EXOC4: variants seen among roughly 807,000 people sequenced by gnomAD.
EXOC4 encodes the protein SEC8-like 1.
EXOC4 carries 71 observed loss-of-function variants against 107.2 expected under a neutral mutation model. That is an observed-to-expected ratio of 0.66 (90% CI 0.55 to 0.81). EXOC4 has a LOEUF of 0.81. EXOC4 is among the 30% of genes least tolerant of loss of function. EXOC4 has a pLI of 0.00. For missense variants in EXOC4, 1,108 were observed against 1,189.6 expected (o/e 0.93, Z 1.01); for synonymous variants, 456 against 441.2 (o/e 1.03, Z -0.42).
chr7:133,279,405 C>T (rs913391108), intron 2 of EXOC4, among the ~76,000 whole-genome samples: 5 of 152,164 alleles, frequency 3.3e-5, no homozygotes, highest in African/African-American at 9.7e-5. Flanking sequence ...TGGCTAACAT[C>T]TTAAAAGGCC....
chr7:134,082,630 G>A, the EXOC4 span, among the ~76,000 whole-genome samples: 44 of 152,198 alleles, frequency 2.9e-4, no homozygotes, highest in African/African-American at 9.2e-4. Flanking sequence ...TAGTAGAGAC[G>A]GGGTTTCACC....
chr7:133,595,672 G>A (rs1801651185), intron 9 of EXOC4, among the ~76,000 whole-genome samples: 1 of 152,192 alleles, frequency 6.6e-6, no homozygotes, highest in South Asian at 2.1e-4. Context: ...AGTGATCAGA[G>A]AGGTTTAGAA....
chr7:133,741,003 A>G (rs1237166276), intron 10 of EXOC4, among the ~76,000 whole-genome samples: 2 of 152,216 alleles, frequency 1.3e-5, no homozygotes, highest in African/African-American at 2.4e-5. Context: ...CTCAATTAAC[A>G]CTGGTGGAAA....
chr7:133,598,331 C>T (rs2150984738), intron 9 of EXOC4, among the ~76,000 whole-genome samples: 1 of 152,254 alleles, frequency 6.6e-6, no homozygotes, highest in South Asian at 2.1e-4. Context: ...AGTATTTGGA[C>T]TTTGTTTATC....
chr7:133,533,851 G>C (rs147750883), intron 9 of EXOC4, among the ~76,000 whole-genome samples: 4 of 152,206 alleles, frequency 2.6e-5, no homozygotes, highest in East Asian at 1.9e-4. Flanking sequence ...TGACTCTTCT[G>C]TTTCCCCGAT....
At chr7:133,526,103 C>G (rs1027643269) in intron 9 of EXOC4, among the ~76,000 whole-genome samples, 8 of 152,192 alleles carry the variant, frequency 5.3e-5, no homozygotes, top group African/African-American at 1.9e-4. Context: ...TTCACTTATT[C>G]TGCCAGAAGA....
chr7:133,814,052 G>A (rs1797302935), intron 10 of EXOC4, among the ~76,000 whole-genome samples: 1 of 152,034 alleles, frequency 6.6e-6, no homozygotes, highest in Non-Finnish European at 1.5e-5. Context: ...AATGTTATTT[G>A]AGTAGCTAAT....
intron 10 of EXOC4, among the ~76,000 whole-genome samples, chr7:133,671,786 C>A (rs1458134068): frequency 6.6e-6 from 1 of 151,984 alleles, no homozygotes; most frequent in Non-Finnish European, 1.5e-5. Context: ...TCAAGCATAT[C>A]GCAAAGGTTT....
intron 15 of EXOC4, among the ~76,000 whole-genome samples, chr7:133,997,964 T>G (rs764838477): frequency 1.3e-5 from 2 of 152,190 alleles, no homozygotes; most frequent in Non-Finnish European, 2.9e-5. Flanking sequence ...AGTTTCTAAC[T>G]TATAGAGATT....
chr7:133,513,069 C>A (rs1799802903), intron 9 of EXOC4, among the ~76,000 whole-genome samples: 1 of 152,148 alleles, frequency 6.6e-6, no homozygotes, highest in African/African-American at 2.4e-5. Flanking sequence ...CGCGCCACTG[C>A]ACTCCATCTT....
At chr7:133,719,457 G>C (rs1402925906) in intron 10 of EXOC4, among the ~76,000 whole-genome samples, 1 of 151,770 alleles carries the variant, frequency 6.6e-6, no homozygotes, top group Admixed American at 6.6e-5. Context: ...GACCTTTTAG[G>C]CTAGAAGTAA....
chr7:133,918,468 T>C (rs1322826062), intron 13 of EXOC4, among the ~76,000 whole-genome samples: 1 of 152,238 alleles, frequency 6.6e-6, no homozygotes, highest in East Asian at 1.9e-4. Context: ...TGATTGTTCT[T>C]AACATGTTCT....
At chr7:133,888,125 G>A (rs553856909) in intron 11 of EXOC4, among the ~76,000 whole-genome samples, 5 of 152,264 alleles carry the variant, frequency 3.3e-5, no homozygotes, top group African/African-American at 1.2e-4. Flanking sequence ...GGGGAAAGAT[G>A]ACAAGAAACT....
At chr7:133,458,387 C>G (rs1011848851) in intron 7 of EXOC4, among the ~76,000 whole-genome samples, 2 of 152,180 alleles carry the variant, frequency 1.3e-5, no homozygotes, top group African/African-American at 4.8e-5. Flanking sequence ...TATATTCTTT[C>G]AAAGAATCAT....
intron 11 of EXOC4, among the ~76,000 whole-genome samples, chr7:133,851,026 C>G (rs1339999922): frequency 6.6e-6 from 1 of 152,206 alleles, no homozygotes; most frequent in Non-Finnish European, 1.5e-5. Flanking sequence ...TGGAAAATGT[C>G]CAGTGTCCCT....
At chr7:133,616,756 G>GTTCA (rs1433764737) in intron 9 of EXOC4, among the ~76,000 whole-genome samples, 1 of 152,066 alleles carries the variant, frequency 6.6e-6, no homozygotes, top group East Asian at 1.9e-4. Context: ...AAAACATACA[G>GTTCA]TTCATTCTCA....
the EXOC4 span, among the ~76,000 whole-genome samples, chr7:134,082,351 G>A: frequency 6.6e-6 from 1 of 152,228 alleles, no homozygotes; most frequent in Admixed American, 6.5e-5. Flanking sequence ...ACTGATAGGA[G>A]TGTAGCAGTG....
chr7:133,744,612 A>G (rs889917636), intron 10 of EXOC4, among the ~76,000 whole-genome samples: 4 of 152,300 alleles, frequency 2.6e-5, no homozygotes, highest in African/African-American at 9.6e-5. Flanking sequence ...CACAGATAGT[A>G]CTAGAGCTTT....
At chr7:133,696,923 A>G (rs1172700531) in intron 10 of EXOC4, among the ~76,000 whole-genome samples, 1 of 152,038 alleles carries the variant, frequency 6.6e-6, no homozygotes, top group Non-Finnish European at 1.5e-5. Flanking sequence ...TTAGTCAATC[A>G]TGTGCAATAA....
Sources: gnomAD v4.1 joint callset for allele counts (sites outside exome capture counted in the v4.1 genomes callset) on GRCh38, gnomAD v4.1.1 for gene constraint, MANE v1.5 for transcripts, NCBI Gene and HGNC (gene_info 2026-07-23, HGNC 2026-07-21) for gene names.